AP4E1: variants seen among roughly 807,000 people sequenced by gnomAD.
AP4E1 encodes AP-4 complex subunit epsilon-1.
Under a neutral mutation model 128.2 loss-of-function variants are expected in AP4E1, and 56 were observed. That is an observed-to-expected ratio of 0.44 (90% CI 0.35 to 0.55). The LOEUF is 0.55. Among genes scored for constraint, AP4E1 ranks in the 20% least tolerant of loss-of-function variants. The pLI is 0.00. For missense variants in AP4E1, 1,324 were observed against 1,307.7 expected (o/e 1.01, Z -0.19); for synonymous variants, 484 against 473.1 (o/e 1.02, Z -0.30).
At chr15:50,983,900 C>A in intron 15 of AP4E1, 122 bp from the exon 16 acceptor site, 1 of 920,624 alleles carries the variant, frequency 1.1e-6, no homozygotes, top group South Asian at 1.5e-5. Context: ...TCCTCAAAGT[C>A]CTTTAGAGTT....
chr15:50,912,309 A>G (rs1030277116), intron 2 of AP4E1, among the ~76,000 whole-genome samples, 160 bp downstream of exon 2: 1 of 152,212 alleles, frequency 6.6e-6, no homozygotes, highest in South Asian at 2.1e-4. Context: ...TTAGCCTTTT[A>G]TTGTTGACTG....
intron 10 of AP4E1, chr15:50,945,162 G>A: frequency 1.1e-6 from 1 of 870,684 alleles, no homozygotes; most frequent in Non-Finnish European, 2.0e-6. Flanking sequence ...TCACTGTAAA[G>A]AAGCTGTTTT....
chr15:50,953,227 G>T (rs1567232898), intron 13 of AP4E1, among the ~76,000 whole-genome samples: 1 of 152,024 alleles, frequency 6.6e-6, no homozygotes, highest in African/African-American at 2.4e-5. Flanking sequence ...TTGATTATTG[G>T]TTTCTGTGGC....
In AP4E1 at chr15:51,001,258, C is replaced by G. The variant is rs1216692693; in HGVS notation, c.3253+75C>G. ...TAATTGGAACACAAATCAACTCTTA[C>G]AAGTATCAGATTTCTCAGAGCTTTA... On this transcript the variant is annotated intron_variant, in intron 20 of 20. Transcript: ENST00000261842. 2.2e-6 allele frequency: 3 copies of G among 1,379,784 alleles called. 1 individual carries two copies. Among genetic ancestry groups the G allele is most frequent in the African/African-American group, 2.9e-5 (2 of 69,424 alleles). 85.5% of individuals were successfully genotyped at this position (1,379,784 alleles called of 1,614,324 possible). A position where few individuals can be genotyped will look rare whatever the true frequency, so the allele number is the denominator to read the frequency against.
In AP4E1 at chr15:51,001,149, A is replaced by G. The variant is rs1480581254; in HGVS notation, c.3219A>G (p.Gln1073=). Residue 1073 remains glutamine (Q), a synonymous_variant, in exon 20 of 21, where the codon CAA becomes CAG. Transcript: ENST00000261842. ...AALPSALKTL[Q]QKLRLHIIEI... Reference sequence around the variant, plus strand: ...TTCCTTCTGCACTAAAGACTCTGCAACAGAAACTAAGACTCCATATTATTG... The same window carrying G: ...TTCCTTCTGCACTAAAGACTCTGCAGCAGAAACTAAGACTCCATATTATTG... 1.9e-6 allele frequency: 3 copies of G among 1,613,578 alleles called. No homozygotes were observed. The highest frequency in any genetic ancestry group is 1.7e-5 in the Admixed American group (1 of 59,996).
intron 15 of AP4E1, among the ~76,000 whole-genome samples, chr15:50,976,823 A>G (rs2064558796): frequency 6.6e-6 from 1 of 152,220 alleles, no homozygotes; most frequent in South Asian, 2.1e-4. Context: ...AGCAAGTGAG[A>G]AAGTTGTGTT....
At chr15:50,934,815 G>A (rs2063885944) in intron 8 of AP4E1, 118 bp downstream of exon 8, 1 of 654,430 alleles carries the variant, frequency 1.5e-6, no homozygotes. Context: ...TTTTAAGATA[G>A]TTCTTTGGAT....
chr15:50,948,495 T>G (rs1021898800), intron 11 of AP4E1, among the ~76,000 whole-genome samples: 5 of 152,134 alleles, frequency 3.3e-5, no homozygotes, highest in Non-Finnish European at 5.9e-5. Flanking sequence ...TCTTGCTTTT[T>G]GGGGAAAGTG....
In AP4E1 at chr15:50,968,331, C is replaced by A; in HGVS notation, c.1920C>A (p.Tyr640Ter). 6.2e-7 allele frequency: 1 copy of A among 1,613,580 alleles called. No individual in the cohort carries two copies. The highest frequency in any genetic ancestry group is 1.3e-5 in the African/African-American group (1 of 74,970). ...GACTCAGTCAGGGTGCAGCGCCTTA[C>A]AAACCTCCCCATCAACGCCAGGAGG... Reference protein sequence around the residue: ...AEGLSQGAAPYKPPHQRQEEK... With the variant: ...AEGLSQGAAP Residue 640 changes from tyrosine (Y) to a stop codon, truncating the protein, a stop_gained, in exon 15 of 21, where the codon TAC becomes TAA. Coordinates refer to ENST00000261842, the MANE Select transcript of AP4E1 (RefSeq NM_007347.5). LOFTEE classifies it high-confidence loss of function.
In AP4E1 at chr15:51,002,923, A is replaced by T; in HGVS notation, c.*261A>T. ...GTTATAAACTGCTAATGATTTATAT[A>T]TCACTTAGTGTGTAGAGGGACTGAA... On this transcript the variant is annotated 3_prime_UTR_variant, in exon 21 of 21. Coordinates refer to ENST00000261842, the MANE Select transcript of AP4E1 (RefSeq NM_007347.5). The T allele has an allele frequency of 2.3e-6, 1 of 440,312 alleles. No individual in the cohort carries two copies. The highest frequency in any genetic ancestry group is 2.3e-5 in the South Asian group (1 of 44,186). 27.3% of individuals were successfully genotyped at this position (440,312 alleles called of 1,614,324 possible).
At chr15:50,959,703 A>G (rs754887010) in intron 14 of AP4E1, among the ~76,000 whole-genome samples, 20 of 152,226 alleles carry the variant, frequency 1.3e-4, no homozygotes, top group Non-Finnish European at 2.6e-4. Flanking sequence ...AAATCCATCC[A>G]GCTAAACAAT....
rs1163562467 is a variant in AP4E1 at position 51,000,717 on chromosome 15, T to C, written c.3096-309T>C. ...TTCAAAGTAAATATGAAAGAAAAGT[T>C]CTGTATTATAGTTGAATGATTTATG... On this transcript the variant is annotated intron_variant, in intron 19 of 20. Transcript: ENST00000261842. 3.3e-5 allele frequency among the ~76,000 whole-genome samples: 5 copies of C among 152,324 alleles called. No homozygotes were observed. The East Asian group carries it at 9.6e-4, about 29-fold the overall frequency.
chr15:50,909,202 C>A (rs2063534155), intron 1 of AP4E1, among the ~76,000 whole-genome samples: 1 of 152,250 alleles, frequency 6.6e-6, no homozygotes, highest in Non-Finnish European at 1.5e-5. Flanking sequence ...TGTGTTTTCT[C>A]AACGTTGTGG....
intron 14 of AP4E1, among the ~76,000 whole-genome samples, chr15:50,965,199 G>A (rs975503088): frequency 2.6e-5 from 4 of 152,042 alleles, no homozygotes; most frequent in Non-Finnish European, 5.9e-5. Flanking sequence ...CTTTATAGCA[G>A]TGCAAGAACG....
At chr15:50,993,325 T>A in intron 16 of AP4E1, 45 bp from the exon 17 acceptor site, 1 of 1,607,438 alleles carries the variant, frequency 6.2e-7, no homozygotes, top group African/African-American at 1.3e-5. Flanking sequence ...AAGTAACTAT[T>A]AGCAGTTATT....
chr15:50,962,774 T>G (rs1441911481), intron 14 of AP4E1, among the ~76,000 whole-genome samples: 2 of 151,162 alleles, frequency 1.3e-5, no homozygotes, highest in Non-Finnish European at 2.9e-5. Flanking sequence ...GGTCAAAAGC[T>G]TATGCACAGC....
intron 15 of AP4E1, among the ~76,000 whole-genome samples, chr15:50,968,621 A>AATTT (rs918918539): frequency 5.3e-5 from 8 of 151,858 alleles, no homozygotes; most frequent in Admixed American, 5.2e-4. Flanking sequence ...GTCATACTGG[A>AATTT]ATTTATTTAT....
chr15:50,920,110 C>CTTCTTTT (rs1555454236), intron 3 of AP4E1, among the ~76,000 whole-genome samples: 11 of 50,106 alleles, frequency 2.2e-4, no homozygotes, highest in Non-Finnish European at 2.7e-4. Context: ...AAATTTATGC[C>CTTCTTTT]TTTTTTTTTT....
intron 3 of AP4E1, among the ~76,000 whole-genome samples, chr15:50,917,390 T>C (rs1394785174): frequency 2.0e-5 from 3 of 152,214 alleles, no homozygotes; most frequent in Non-Finnish European, 4.4e-5. Context: ...CTTTTACTGT[T>C]CTGCTTCTCA....
Sources: allele counts gnomAD v4.1 joint callset (sites outside exome capture counted in the v4.1 genomes callset), GRCh38; gene constraint gnomAD v4.1.1; transcripts MANE v1.5; gene names NCBI Gene and HGNC (gene_info 2026-07-23, HGNC 2026-07-21).